ANO6: variants seen among roughly 807,000 people sequenced by gnomAD.
ANO6 encodes the protein anoctamin 6.
In ANO6, 106 loss-of-function variants were observed where a neutral mutation model predicts 117.5. That is an observed-to-expected ratio of 0.90 (90% CI 0.77 to 1.06). The LOEUF (loss-of-function observed/expected upper bound fraction) is 1.06, where lower values mean the gene tolerates loss of function less well. Ranked by LOEUF, ANO6 falls within the 50% of genes least tolerant of loss-of-function variation. The pLI is 0.00. For synonymous variants in ANO6, 367 were observed against 385.1 expected (o/e 0.95, Z 0.55); for missense variants, 955 against 1,121.1 (o/e 0.85, Z 2.12).
chr12:45,278,403 C>T (rs137874873), intron 1 of ANO6, among the ~76,000 whole-genome samples: 66 of 152,272 alleles, frequency 4.3e-4, no homozygotes, highest in African/African-American at 1.5e-3. Context: ...TCCATGAATA[C>T]GTCTGTTATT....
intron 1 of ANO6, chr12:45,292,767 G>A (rs1406843717): frequency 6.9e-7 from 1 of 1,445,636 alleles, no homozygotes; most frequent in Non-Finnish European, 9.1e-7. Context: ...GTTACAAGGT[G>A]GAGAAATTGT....
At chr12:45,317,749 G>C (rs1940101086) in intron 2 of ANO6, among the ~76,000 whole-genome samples, 1 of 152,250 alleles carries the variant, frequency 6.6e-6, no homozygotes, top group East Asian at 1.9e-4. Context: ...CTGTGTAAAA[G>C]TGTTGCTATT....
intron 13 of ANO6, 78 bp from the exon 14 acceptor site, chr12:45,402,994 C>T: frequency 2.3e-6 from 3 of 1,327,874 alleles, no homozygotes; most frequent in Non-Finnish European, 3.2e-6. Flanking sequence ...CGTGTTAACT[C>T]ATGTATCAGT....
chr12:45,300,970 A>G (rs955672075), intron 1 of ANO6, among the ~76,000 whole-genome samples: 4 of 152,200 alleles, frequency 2.6e-5, no homozygotes. Flanking sequence ...AGAATGACCT[A>G]CCTTCTTGAT....
At chr12:45,375,716 AAAG>A (rs1365605175) in intron 9 of ANO6, among the ~76,000 whole-genome samples, 1 of 151,642 alleles carries the variant, frequency 6.6e-6, no homozygotes, top group Admixed American at 6.6e-5. Flanking sequence ...AAGATGGATT[AAAG>A]ACTTAAACGT....
At chr12:45,296,898 A>G (rs946474588) in intron 1 of ANO6, among the ~76,000 whole-genome samples, 21 of 152,230 alleles carry the variant, frequency 1.4e-4, no homozygotes, top group Non-Finnish European at 7.3e-5. Context: ...GTGACTTCAT[A>G]TCATTGAGTC....
At chr12:45,226,031 G>A (rs949076937) in intron 1 of ANO6, among the ~76,000 whole-genome samples, 4 of 151,752 alleles carry the variant, frequency 2.6e-5, no homozygotes, top group African/African-American at 9.7e-5. Flanking sequence ...TTTGGTCATT[G>A]CAACTAAAAT....
At chr12:45,312,988 A>T (rs909760347) in intron 2 of ANO6, among the ~76,000 whole-genome samples, 1 of 152,108 alleles carries the variant, frequency 6.6e-6, no homozygotes, top group Non-Finnish European at 1.5e-5. Flanking sequence ...CTTAAAATAA[A>T]AACAAATAAT....
intron 3 of ANO6, among the ~76,000 whole-genome samples, chr12:45,336,215 C>T (rs1280341741): frequency 1.3e-4 from 20 of 151,882 alleles, no homozygotes; most frequent in Admixed American, 1.2e-3. Context: ...TTATCAAATG[C>T]TTTTTCTTAT....
intron 1 of ANO6, among the ~76,000 whole-genome samples, chr12:45,254,843 A>C (rs898055770): frequency 6.6e-6 from 1 of 152,220 alleles, no homozygotes; most frequent in Non-Finnish European, 1.5e-5. Context: ...TTGAATGAAT[A>C]AAAGAGCAGT....
At chr12:45,281,676 A>G (rs925300825) in intron 1 of ANO6, among the ~76,000 whole-genome samples, 7 of 152,242 alleles carry the variant, frequency 4.6e-5, no homozygotes, top group Admixed American at 4.6e-4. Context: ...TAGATGCTGC[A>G]TCCAACATTC....
At chr12:45,237,654 G>T (rs937256148) in intron 1 of ANO6, among the ~76,000 whole-genome samples, 1 of 152,204 alleles carries the variant, frequency 6.6e-6, no homozygotes, top group Non-Finnish European at 1.5e-5. Context: ...AAGTCAGGTA[G>T]CGTGATGCCT....
At chr12:45,317,113 G>GTGTGTGTGTATATAAATATA in intron 2 of ANO6, among the ~76,000 whole-genome samples, 1 of 66,448 alleles carries the variant, frequency 1.5e-5, no homozygotes, top group Non-Finnish European at 3.7e-5. Context: ...CTTTTTATAT[G>GTGTGTGTGTATATAAATATA]TATATATATA....
In ANO6 at chr12:45,439,692, C is replaced by G. The variant is rs757136132; in HGVS notation, c.2544C>G (p.Pro848=). ...TGAGACAGTATCTCGCTTTGTTGCC[C>G]AGGCTGGGACACAGTGGCATGATCT... is the stretch of plus-strand genomic sequence containing the variant. The change falls in exon 20 of 20, where the codon CCC becomes CCG. Residue 848 remains proline, a synonymous_variant. Transcript: ENST00000425752. 3 of 1,447,310 alleles carry G rather than the reference C, an allele frequency of 2.1e-6. No homozygotes were observed. The African/African-American group carries it at 4.4e-5, about 21-fold the overall frequency. 89.7% of individuals were successfully genotyped at this position (1,447,310 alleles called of 1,614,324 possible). A position where few individuals can be genotyped will look rare whatever the true frequency, so the allele number is the denominator to read the frequency against.
chr12:45,353,575 C>T, intron 7 of ANO6, among the ~76,000 whole-genome samples: 1 of 152,198 alleles, frequency 6.6e-6, no homozygotes, highest in Non-Finnish European at 1.5e-5. Flanking sequence ...TCTTTCCCTT[C>T]ATTGCTTCCC....
At chr12:45,344,023 G>T (rs942803667) in intron 3 of ANO6, among the ~76,000 whole-genome samples, 1 of 152,148 alleles carries the variant, frequency 6.6e-6, no homozygotes, top group African/African-American at 2.4e-5. Flanking sequence ...AGGAGTGTCT[G>T]TGTTTTTATC....
chr12:45,400,980 G>A (rs1337876007), intron 12 of ANO6, among the ~76,000 whole-genome samples: 1 of 152,224 alleles, frequency 6.6e-6, no homozygotes, highest in East Asian at 1.9e-4. Context: ...AATGTGCGTC[G>A]TTGAGTGGTG....
chr12:45,229,982 A>C (rs1057016575), intron 1 of ANO6, among the ~76,000 whole-genome samples: 2 of 151,668 alleles, frequency 1.3e-5, no homozygotes, highest in African/African-American at 4.8e-5. Flanking sequence ...ATGGTGCCTG[A>C]TACAGTGAAA....
chr12:45,305,417 GTTA>G (rs1218955399), intron 2 of ANO6, among the ~76,000 whole-genome samples: 2 of 152,122 alleles, frequency 1.3e-5, no homozygotes, highest in Admixed American at 6.5e-5. Flanking sequence ...CTCCAACATT[GTTA>G]TTGTCTCTGA....
Sources: allele counts gnomAD v4.1 joint callset (sites outside exome capture counted in the v4.1 genomes callset), GRCh38; gene constraint gnomAD v4.1.1; transcripts MANE v1.5; gene names NCBI Gene and HGNC (gene_info 2026-07-23, HGNC 2026-07-21).